Variants in NR3C2 observed in about 807,000 individuals in gnomAD.
NR3C2 encodes the protein mineralocorticoid receptor.
In NR3C2, 15 loss-of-function variants were observed where a neutral mutation model predicts 86.4. That is an observed-to-expected ratio of 0.17 (90% CI 0.12 to 0.27). NR3C2 has a LOEUF of 0.27. Among genes scored for constraint, NR3C2 ranks in the 10% least tolerant of loss-of-function variants. The probability of loss-of-function intolerance (pLI) is 1.00; values close to 1 mark genes in which losing one functional copy is unlikely to be tolerated. For missense variants in NR3C2, 960 were observed against 1,195.6 expected, an observed-to-expected ratio of 0.80 and a Z score of 2.91; for synonymous variants, 458 against 450.5, an observed-to-expected ratio of 1.02 and a Z score of -0.21.
chr4:148,256,603 A>C (rs1352834320), intron 3 of NR3C2, among the ~76,000 whole-genome samples: 1 of 152,194 alleles, frequency 6.6e-6, no homozygotes, highest in Non-Finnish European at 1.5e-5. Flanking sequence ...GAGTGACGTA[A>C]AAAATTAAAA....
chr4:148,405,207 A>G (rs2126545835), intron 2 of NR3C2, among the ~76,000 whole-genome samples: 1 of 152,352 alleles, frequency 6.6e-6, no homozygotes, highest in South Asian at 2.1e-4. Context: ...AGAAAGATAC[A>G]CTAGTCTCAC....
chr4:148,122,947 C>A (rs984873759), intron 6 of NR3C2, among the ~76,000 whole-genome samples: 1 of 152,124 alleles, frequency 6.6e-6, no homozygotes, highest in Non-Finnish European at 1.5e-5. Context: ...GGAAGACAAC[C>A]AAAAGGTCTG....
chr4:148,292,784 T>C (rs2149910238), intron 2 of NR3C2, among the ~76,000 whole-genome samples: 1 of 152,262 alleles, frequency 6.6e-6, no homozygotes, highest in South Asian at 2.1e-4. Context: ...TCAGAGCTAT[T>C]ACCAGAACTA....
intron 2 of NR3C2, among the ~76,000 whole-genome samples, chr4:148,350,968 C>A (rs1745244770): frequency 6.6e-6 from 1 of 151,870 alleles, no homozygotes; most frequent in African/African-American, 2.4e-5. Context: ...TAATGTTGTT[C>A]AATAAAATAC....
intron 1 of NR3C2, among the ~76,000 whole-genome samples, chr4:148,438,840 A>C (rs983030648): frequency 1.3e-5 from 2 of 152,204 alleles, no homozygotes; most frequent in Non-Finnish European, 2.9e-5. Context: ...AAGGGCAGAA[A>C]TGATCAATTT....
chr4:148,415,705 T>C (rs895499528), intron 2 of NR3C2, among the ~76,000 whole-genome samples: 5 of 152,218 alleles, frequency 3.3e-5, no homozygotes, highest in Admixed American at 2.6e-4. Context: ...CAGAACTCTC[T>C]ACTTCTCTGT....
intron 2 of NR3C2, chr4:148,368,547 C>G (rs1487817173): frequency 1.3e-5 from 2 of 152,050 alleles, no homozygotes; most frequent in African/African-American, 4.8e-5. Context: ...GAACATGGTA[C>G]TTTCATATAT....
At chr4:148,088,209 G>GA (rs1491094292) in intron 8 of NR3C2, among the ~76,000 whole-genome samples, 2 of 152,152 alleles carry the variant, frequency 1.3e-5, no homozygotes, top group Non-Finnish European at 2.9e-5. Flanking sequence ...AGTTAGTTAG[G>GA]AAACAACAGA....
At chr4:148,237,097 T>C (rs1384821863) in intron 3 of NR3C2, among the ~76,000 whole-genome samples, 1 of 152,230 alleles carries the variant, frequency 6.6e-6, no homozygotes, top group Non-Finnish European at 1.5e-5. Context: ...CTATGAACTT[T>C]AATGAATACT....
At chr4:148,285,725 A>G (rs1256693344) in intron 2 of NR3C2, among the ~76,000 whole-genome samples, 2 of 152,010 alleles carry the variant, frequency 1.3e-5, no homozygotes, top group Non-Finnish European at 2.9e-5. Context: ...AAAAACAAAC[A>G]AACAAAAAAA....
chr4:148,394,255 A>G (rs986249435), intron 2 of NR3C2, among the ~76,000 whole-genome samples: 4 of 152,116 alleles, frequency 2.6e-5, no homozygotes, highest in African/African-American at 9.7e-5. Context: ...GCCCACCCAA[A>G]ACTGCAGAAT....
chr4:148,393,082 A>G (rs1747674044), intron 2 of NR3C2, among the ~76,000 whole-genome samples: 1 of 152,172 alleles, frequency 6.6e-6, no homozygotes, highest in African/African-American at 2.4e-5. Context: ...AAATATGGAG[A>G]AGGTAGAGTT....
chr4:148,264,226 A>G (rs1252475104), intron 2 of NR3C2, among the ~76,000 whole-genome samples: 1 of 152,240 alleles, frequency 6.6e-6, no homozygotes, highest in Admixed American at 6.5e-5. Flanking sequence ...ACAGGTCACA[A>G]AAATAGATGG....
chr4:148,271,691 T>C (rs1173544467), intron 2 of NR3C2, among the ~76,000 whole-genome samples: 2 of 152,188 alleles, frequency 1.3e-5, no homozygotes, highest in Non-Finnish European at 2.9e-5. Flanking sequence ...CCTCCTCTCA[T>C]ATATATTTTG....
intron 2 of NR3C2, among the ~76,000 whole-genome samples, chr4:148,326,447 T>C (rs1470896215): frequency 1.3e-5 from 2 of 151,898 alleles, no homozygotes. Flanking sequence ...AATAAATATT[T>C]TTGAAGCATC....
intron 2 of NR3C2, among the ~76,000 whole-genome samples, chr4:148,336,084 CAG>C (rs1409821396): frequency 2.0e-5 from 3 of 152,170 alleles, no homozygotes; most frequent in African/African-American, 4.8e-5. Context: ...GATAGTGTCT[CAG>C]AGAGTCAGAG....
chr4:148,250,054 C>T (rs1183162893), intron 3 of NR3C2, among the ~76,000 whole-genome samples: 3 of 152,136 alleles, frequency 2.0e-5, no homozygotes, highest in Non-Finnish European at 4.4e-5. Context: ...TGTTCCTTTG[C>T]CTCAGAACAG....
intron 3 of NR3C2, among the ~76,000 whole-genome samples, chr4:148,224,629 A>G (rs1006703919): frequency 2.6e-5 from 4 of 152,188 alleles, no homozygotes; most frequent in Non-Finnish European, 5.9e-5. Context: ...TTCAAGAAAT[A>G]GTGTGGTGTG....
At chr4:148,426,961 C>CT (rs1047403564) in intron 2 of NR3C2, among the ~76,000 whole-genome samples, 2,655 of 145,450 alleles carry the variant, frequency 0.018, 60 homozygotes, top group African/African-American at 0.048. Context: ...TTTTCTTTTT[C>CT]TTTTTTTTTT....
Sources: allele counts gnomAD v4.1 joint callset (sites outside exome capture counted in the v4.1 genomes callset), GRCh38; gene constraint gnomAD v4.1.1; transcripts MANE v1.5; gene names NCBI Gene and HGNC (gene_info 2026-07-23, HGNC 2026-07-21).